CFAP221: variants seen among roughly 807,000 people sequenced by gnomAD.
The protein encoded by CFAP221 is cilia and flagella associated protein 221, also known as cilia- and flagella-associated protein 221.
In CFAP221, 97 loss-of-function variants were observed where a neutral mutation model predicts 113.1. The ratio of observed to expected loss-of-function variants is 0.86; its 90% CI spans 0.73 to 1.02. The LOEUF (loss-of-function observed/expected upper bound fraction) is 1.02, where lower values mean the gene tolerates loss of function less well. CFAP221 is among the 50% of genes least tolerant of loss of function. The pLI, the probability that CFAP221 is intolerant of heterozygous loss-of-function variation, is 0.00. For missense variants in CFAP221, 1,025 were observed against 1,013.4 expected (o/e 1.01, Z -0.16); for synonymous variants, 331 against 354.4 (o/e 0.93, Z 0.74).
rs377615276 is a variant in CFAP221, at chr2:119,627,834, G to C, written c.1650+48G>C. The stretch of plus-strand genomic sequence containing the variant: ...GCGGGGAGTGGACATGATCATGATC[G>C]TGTTGGGCAGATACAAGGCAAGCCC... On this transcript the variant is annotated intron_variant, in intron 16 of 23. Coordinates refer to ENST00000413369, the MANE Select transcript of CFAP221 (RefSeq NM_001271049.2). 117 of 1,605,490 alleles carry C rather than the reference G, an allele frequency of 7.3e-5. No homozygotes were observed. In the African/African-American group the frequency reaches 1.5e-3, roughly 20 times the overall value.
chr2:119,656,817 C>T (rs1020007853), downstream of CFAP221, among the ~76,000 whole-genome samples: 4 of 151,956 alleles, frequency 2.6e-5, no homozygotes, highest in African/African-American at 7.3e-5. Flanking sequence ...GATGCTCTCC[C>T]ACCTCTGCAG....
chr2:119,610,635 C>T (rs1394691285), intron 12 of CFAP221, among the ~76,000 whole-genome samples: 2 of 152,192 alleles, frequency 1.3e-5, no homozygotes, highest in South Asian at 2.1e-4. Flanking sequence ...CAGTCTCAAA[C>T]TCAACTTCCC....
intron 20 of CFAP221, among the ~76,000 whole-genome samples, chr2:119,639,197 C>T (rs1384368341): frequency 6.6e-6 from 1 of 152,196 alleles, no homozygotes; most frequent in African/African-American, 2.4e-5. Context: ...CTTCCTTATG[C>T]ACGAGTTGAT....
At chr2:119,648,980 C>T (rs1687970652) in intron 22 of CFAP221, among the ~76,000 whole-genome samples, 1 of 152,220 alleles carries the variant, frequency 6.6e-6, no homozygotes, top group Non-Finnish European at 1.5e-5. Flanking sequence ...GTTCTGACTC[C>T]TGCGCTGGTA....
intron 6 of CFAP221, among the ~76,000 whole-genome samples, chr2:119,583,754 C>T (rs921393539): frequency 1.2e-4 from 19 of 152,104 alleles, no homozygotes; most frequent in Admixed American, 1.0e-3. Context: ...GTGATGAGGC[C>T]ATGAGGGCAA....
intron 21 of CFAP221, among the ~76,000 whole-genome samples, chr2:119,645,351 C>G (rs539174795): frequency 6.6e-6 from 1 of 151,884 alleles, no homozygotes; most frequent in African/African-American, 2.4e-5. Flanking sequence ...CCCTCCAGCC[C>G]CTGGCAGGTA....
chr2:119,591,817 G>A (rs545864265), intron 7 of CFAP221, among the ~76,000 whole-genome samples: 7 of 152,242 alleles, frequency 4.6e-5, no homozygotes, highest in Admixed American at 1.3e-4. Context: ...TGTGGCTTTC[G>A]TGATCGACAG....
At chr2:119,620,940 G>A (rs1470156062) in intron 14 of CFAP221, among the ~76,000 whole-genome samples, 1 of 151,938 alleles carries the variant, frequency 6.6e-6, no homozygotes, top group Admixed American at 6.6e-5. Context: ...AAAAGCAGGG[G>A]TTGGCTGGGC....
At chr2:119,576,494 C>T (rs1682453913) in intron 6 of CFAP221, among the ~76,000 whole-genome samples, 1 of 152,064 alleles carries the variant, frequency 6.6e-6, no homozygotes. Context: ...TATTTGATTC[C>T]CTTTACCTCT....
intron 21 of CFAP221, among the ~76,000 whole-genome samples, chr2:119,645,815 G>A (rs937580762): frequency 3.3e-5 from 5 of 152,066 alleles, no homozygotes; most frequent in East Asian, 1.9e-4. Context: ...GTCATTCTTC[G>A]CTGTTTTTCA....
At chr2:119,653,674 A>G (rs1688261853) in intron 23 of CFAP221, among the ~76,000 whole-genome samples, 1 of 152,190 alleles carries the variant, frequency 6.6e-6, no homozygotes, top group South Asian at 2.1e-4. Context: ...CTTAGGATAA[A>G]TTCTAGATCA....
intron 6 of CFAP221, among the ~76,000 whole-genome samples, chr2:119,565,487 T>C (rs1681556352): frequency 6.6e-6 from 1 of 152,200 alleles, no homozygotes; most frequent in Non-Finnish European, 1.5e-5. Flanking sequence ...GAAAATAATA[T>C]GCCTAATAAT....
At chr2:119,653,285 G>A (rs1234724646) in intron 23 of CFAP221, among the ~76,000 whole-genome samples, 2 of 152,030 alleles carry the variant, frequency 1.3e-5, no homozygotes, top group African/African-American at 2.4e-5. Flanking sequence ...GGAGGCTGAG[G>A]CAGGAGAATC....
chr2:119,653,327 G>T (rs1274034381), intron 23 of CFAP221, among the ~76,000 whole-genome samples: 1 of 152,058 alleles, frequency 6.6e-6, no homozygotes, highest in African/African-American at 2.4e-5. Flanking sequence ...GTTTCAGTGA[G>T]CCAAGATCGC....
chr2:119,559,163 C>A (rs1681037996), intron 3 of CFAP221, among the ~76,000 whole-genome samples: 1 of 152,240 alleles, frequency 6.6e-6, no homozygotes, highest in South Asian at 2.1e-4. Context: ...CTTCTCCTGT[C>A]ACTGTCAGAG....
chr2:119,593,824 C>T (rs753624592), intron 7 of CFAP221, among the ~76,000 whole-genome samples: 6 of 151,538 alleles, frequency 4.0e-5, no homozygotes, highest in African/African-American at 1.5e-4. Context: ...GGCAACAGAG[C>T]GAGACTCAGT....
intron 19 of CFAP221, among the ~76,000 whole-genome samples, chr2:119,634,956 A>G (rs906649840): frequency 1.3e-5 from 2 of 152,236 alleles, no homozygotes; most frequent in African/African-American, 4.8e-5. Flanking sequence ...GGTAGTTCTC[A>G]TGGTAAGTGT....
Position 119,611,743 on chromosome 2 carries a change from G to A in CFAP221, c.1311+1G>A, listed in dbSNP as rs1685180971. The A allele has an allele frequency of 1.2e-6, 2 of 1,607,994 alleles. No homozygotes were observed. Among genetic ancestry groups the A allele is most frequent in the Middle Eastern group, 1.7e-4 (1 of 6,054 alleles). On this transcript the variant is annotated splice_donor_variant, in intron 13 of 23. Coordinates refer to ENST00000413369, the MANE Select transcript of CFAP221 (RefSeq NM_001271049.2). LOFTEE classifies it high-confidence loss of function. ...ACGGGTTGTTCGCAATCAAGAAGAG[G>A]TGGGTAACTTTCCTTTATTTAGAAT...
chr2:119,562,110 G>GA lies in CFAP221; in HGVS notation c.526dup (p.Ser176LysfsTer17), dbSNP rs1681288408. The stretch of plus-strand genomic sequence containing the variant: ...AAATCTGTCAAATGTTCTACTTGGT[G>GA]AAAGGTGAGTTACCAAAATGTCAAC... On this transcript the variant is annotated frameshift_variant, in exon 6 of 24. Coordinates refer to ENST00000413369, the MANE Select transcript of CFAP221 (RefSeq NM_001271049.2). LOFTEE classifies it high-confidence loss of function. 1 of 1,526,862 alleles carries GA rather than the reference G, an allele frequency of 6.5e-7. No homozygotes were observed. Among genetic ancestry groups the GA allele is most frequent in the East Asian group, 2.5e-5 (1 of 40,800 alleles). 94.6% of individuals were successfully genotyped at this position (1,526,862 alleles called of 1,614,324 possible).
Sources: gnomAD v4.1 joint callset for allele counts (sites outside exome capture counted in the v4.1 genomes callset) on GRCh38, gnomAD v4.1.1 for gene constraint, MANE v1.5 for transcripts, NCBI Gene and HGNC (gene_info 2026-07-23, HGNC 2026-07-21) for gene names.